FRY: variants seen among roughly 807,000 people sequenced by gnomAD.
FRY encodes FRY microtubule binding protein.
In FRY, 128 loss-of-function variants were observed where a neutral mutation model predicts 348.4. That is an observed-to-expected ratio of 0.37 (90% confidence interval 0.32 to 0.43). FRY has a LOEUF of 0.43. Among genes scored for constraint, FRY ranks in the 20% least tolerant of loss-of-function variants. The pLI, the probability that FRY is intolerant of heterozygous loss-of-function variation, is 1.00. For synonymous variants in FRY, 1,370 were observed against 1,374.7 expected (o/e 1.00, Z 0.08); for missense variants, 2,736 against 3,695.2 (o/e 0.74, Z 6.73).
At chr13:32,136,625 A>G (rs1879737368) in intron 10 of FRY, among the ~76,000 whole-genome samples, 1 of 152,130 alleles carries the variant, frequency 6.6e-6, no homozygotes, top group Non-Finnish European at 1.5e-5. Flanking sequence ...TATACATGAA[A>G]CTTCTTTCAT....
chr13:32,276,224 T>C (rs1888528727), intron 56 of FRY, among the ~76,000 whole-genome samples: 1 of 152,226 alleles, frequency 6.6e-6, no homozygotes. Flanking sequence ...GTATGTCTTA[T>C]CTGCCTATAC....
In FRY at chr13:32,237,324, G is replaced by A; in HGVS notation, c.5811-55G>A. ...GTTTCTCAGTGGACTTGAAAGGACT[G>A]GCTTTTGGTGACACATGTTGGCATC... On this transcript the variant is annotated intron_variant, in intron 43 of 60. Coordinates refer to ENST00000542859, the MANE Select transcript of FRY (RefSeq NM_023037.3). The surrounding 1 kb of genome is among the most constrained non-coding windows in gnomAD (Gnocchi z 6.3). The A allele has an allele frequency of 6.3e-7, 1 of 1,588,230 alleles. No homozygotes were observed. Among genetic ancestry groups the A allele is most frequent in the Non-Finnish European group, 8.6e-7 (1 of 1,162,226 alleles).
At chr13:32,199,570 T>C (rs868226796) in intron 29 of FRY, among the ~76,000 whole-genome samples, 4 of 152,104 alleles carry the variant, frequency 2.6e-5, no homozygotes, top group Non-Finnish European at 5.9e-5. Context: ...AGATTAACAA[T>C]TGGGAGAATG....
intron 3 of FRY, among the ~76,000 whole-genome samples, chr13:32,109,732 A>G (rs1186013087): frequency 6.6e-6 from 1 of 152,162 alleles, no homozygotes; most frequent in Non-Finnish European, 1.5e-5. Flanking sequence ...GCAGAAGACA[A>G]GAGAAGGCTG....
In FRY at chr13:32,234,607, C is replaced by T. The variant is rs1167173985; in HGVS notation, c.5561C>T (p.Ala1854Val). ...FHLEHQLSEV[A>V]LQTALASSSR... Reference sequence around the variant, plus strand: ...CTGGAGCACCAGTTGAGTGAAGTTGCATTGCAGACAGCCCTCGCAAGCTCT... The same window carrying T: ...CTGGAGCACCAGTTGAGTGAAGTTGTATTGCAGACAGCCCTCGCAAGCTCT... Residue 1854 changes from alanine to valine, a missense_variant, in exon 42 of 61, where the codon GCA (alanine) becomes GTA (valine). Coordinates refer to ENST00000542859, the MANE Select transcript of FRY (RefSeq NM_023037.3). The T allele has an allele frequency of 6.2e-7, 1 of 1,614,126 alleles. No individual in the cohort carries two copies. Among genetic ancestry groups the T allele is most frequent in the Non-Finnish European group, 8.5e-7 (1 of 1,180,016 alleles).
chr13:32,228,374 T>TA (rs1885713402), intron 39 of FRY, 82 bp from the exon 40 acceptor site: 1 of 1,003,080 alleles, frequency 1.0e-6, no homozygotes, highest in African/African-American at 1.6e-5. Flanking sequence ...CACACTTCCC[T>TA]GCCCTCCTCT....
chr13:32,202,401 C>G lies in FRY; in HGVS notation c.3892C>G (p.Gln1298Glu), dbSNP rs1414504839. Reference protein sequence around the residue: ...LFVYSKKVAEQRPGSILYGTH... With the variant: ...LFVYSKKVAEERPGSILYGTH... ...TGTATACTCAAAGAAAGTCGCTGAG[C>G]AAAGACCGGGAAGTATTCTCTATGG... is the stretch of plus-strand genomic sequence containing the variant. Residue 1298 changes from glutamine to glutamate, a missense_variant, in exon 31 of 61, where the codon CAA becomes GAA. Around this residue, in one of 9 missense-constraint regions of FRY, gnomAD observed 794 missense variants for 977.0 expected, o/e 0.81. Transcript: ENST00000542859. 2 of 1,614,082 alleles carry G rather than the reference C, an allele frequency of 1.2e-6. No homozygotes were observed. The highest frequency in any genetic ancestry group is 1.7e-6 in the Non-Finnish European group (2 of 1,179,984).
chr13:32,275,869 G>A (rs1459502040), intron 56 of FRY, among the ~76,000 whole-genome samples: 1 of 151,690 alleles, frequency 6.6e-6, no homozygotes, highest in Admixed American at 6.6e-5. Flanking sequence ...GGTGGGAGTT[G>A]TGTGATACCT....
chr13:32,049,576 A>C (rs1238191708), intron 1 of FRY, among the ~76,000 whole-genome samples: 1 of 152,116 alleles, frequency 6.6e-6, no homozygotes, highest in Non-Finnish European at 1.5e-5. Context: ...CTGGGACTAC[A>C]GGCGCTCGCC....
intron 31 of FRY, among the ~76,000 whole-genome samples, chr13:32,203,521 G>C (rs566897316): frequency 6.6e-6 from 1 of 152,208 alleles, no homozygotes; most frequent in Non-Finnish European, 1.5e-5. Context: ...TCAGGAGTTT[G>C]AGACCAGCCT....
intron 55 of FRY, among the ~76,000 whole-genome samples, chr13:32,273,550 CCGG>C (rs1217294916): frequency 6.6e-6 from 1 of 152,120 alleles, no homozygotes; most frequent in Non-Finnish European, 1.5e-5. Context: ...GATTGTTCAT[CCGG>C]TGATGAGGAT....
chr13:32,110,848 A>C (rs1168935279), intron 3 of FRY, among the ~76,000 whole-genome samples: 1 of 152,248 alleles, frequency 6.6e-6, no homozygotes, highest in Non-Finnish European at 1.5e-5. Context: ...TTCTCTTTGC[A>C]TAATAAAGTC....
intron 1 of FRY, among the ~76,000 whole-genome samples, chr13:32,041,284 T>A (rs903105197): frequency 2.1e-4 from 6 of 28,700 alleles, no homozygotes; most frequent in Non-Finnish European, 4.4e-4. Context: ...AATCTTCTGC[T>A]TTTTTTTTTT....
intron 57 of FRY, 125 bp from the exon 58 acceptor site, chr13:32,278,340 A>C (rs1415264657): frequency 1.4e-6 from 1 of 698,612 alleles, no homozygotes; most frequent in African/African-American, 1.8e-5. Context: ...TCAAAAAGTC[A>C]TTACAGCACA....
intron 7 of FRY, among the ~76,000 whole-genome samples, chr13:32,125,496 A>T (rs1035622689): frequency 1.3e-5 from 2 of 152,170 alleles, no homozygotes; most frequent in Non-Finnish European, 2.9e-5. Flanking sequence ...ATCAGGCAAG[A>T]TCCCGAATGC....
intron 11 of FRY, among the ~76,000 whole-genome samples, chr13:32,138,805 T>C (rs1354650169): frequency 6.6e-6 from 1 of 152,162 alleles, no homozygotes; most frequent in African/African-American, 2.4e-5. Flanking sequence ...TAGATTATTC[T>C]AGAGTCCCTG....
At chr13:32,186,503 C>A in intron 27 of FRY, 83 bp downstream of exon 27, 3 of 917,238 alleles carry the variant, frequency 3.3e-6, no homozygotes, top group Non-Finnish European at 5.4e-6. Flanking sequence ...TAAAAATAAG[C>A]TTAAAATAAA....
intron 11 of FRY, among the ~76,000 whole-genome samples, chr13:32,138,467 A>G (rs1307506652): frequency 6.6e-6 from 1 of 152,184 alleles, no homozygotes; most frequent in Non-Finnish European, 1.5e-5. Context: ...ATAGCAGATC[A>G]TCTTACTTTG....
chr13:32,169,649 C>T (rs1466038727), intron 17 of FRY, among the ~76,000 whole-genome samples: 3 of 152,164 alleles, frequency 2.0e-5, no homozygotes, highest in Admixed American at 6.5e-5. Context: ...GCCTCTGCTT[C>T]CTCTCCAGCA....
Sources: allele counts gnomAD v4.1 joint callset (sites outside exome capture counted in the v4.1 genomes callset), GRCh38; gene constraint gnomAD v4.1.1; regional missense constraint gnomAD v4.1.1; non-coding constraint Gnocchi (gnomAD v3.1); transcripts MANE v1.5; gene names NCBI Gene and HGNC (gene_info 2026-07-23, HGNC 2026-07-21).